AATK: variants seen among roughly 807,000 people sequenced by gnomAD.
AATK encodes serine/threonine-protein kinase LMTK1.
A neutral mutation model predicts 114.3 loss-of-function variants in AATK; 91 were observed. The observed-to-expected ratio is 0.80, with a 90% CI of 0.67 to 0.95. AATK has a LOEUF of 0.95. Ranked by LOEUF, AATK falls within the 40% of genes least tolerant of loss-of-function variation. The probability of loss-of-function intolerance (pLI) is 0.00; values close to 1 mark genes in which losing one functional copy is unlikely to be tolerated. For synonymous variants in AATK, 1,075 were observed against 916.5 expected (o/e 1.17, Z -3.12); for missense variants, 2,176 against 1,965.2 (o/e 1.11, Z -2.03).
At position 81,118,459 on chromosome 17, in the gene AATK, CA is replaced by C; in HGVS notation, c.4085-18del. On this transcript the variant is annotated intron_variant, in intron 13 of 13. Coordinates refer to ENST00000326724, the MANE Select transcript of AATK (RefSeq NM_001080395.3). Reference sequence around the variant, plus strand: ...CTTCAGGTCCTGGCAAGCAGGACAACAAAGTGAACACAGGGTTCTGAGACAC... The same window carrying C: ...CTTCAGGTCCTGGCAAGCAGGACAACAAGTGAACACAGGGTTCTGAGACAC... The C allele has an allele frequency of 6.2e-7, 1 of 1,604,338 alleles. No homozygotes were observed. The highest frequency in any genetic ancestry group is 1.1e-5 in the South Asian group (1 of 89,130).
chr17:81,139,114 CCCA>C (rs1318905553), intron 1 of AATK, among the ~76,000 whole-genome samples: 2 of 152,222 alleles, frequency 1.3e-5, no homozygotes, highest in Non-Finnish European at 2.9e-5. Flanking sequence ...TGGCTCAGTC[CCCA>C]CTACTGGCCT....
chr17:81,162,337 G>A (rs1434737010), intron 1 of AATK, among the ~76,000 whole-genome samples: 1 of 152,090 alleles, frequency 6.6e-6, no homozygotes, highest in Non-Finnish European at 1.5e-5. Flanking sequence ...GCTTCCTCTG[G>A]GGCATCCTCT....
At chr17:81,137,549 C>G (rs1408800506) in intron 1 of AATK, among the ~76,000 whole-genome samples, 1 of 152,172 alleles carries the variant, frequency 6.6e-6, no homozygotes, top group Non-Finnish European at 1.5e-5. Flanking sequence ...CACCTGCTAC[C>G]TGGGCCCCGC....
At chr17:81,157,311 G>C (rs1025397326) in intron 1 of AATK, among the ~76,000 whole-genome samples, 1 of 152,222 alleles carries the variant, frequency 6.6e-6, no homozygotes, top group African/African-American at 2.4e-5. Context: ...ATCCGACACC[G>C]CGGGCACCGC....
intron 1 of AATK, among the ~76,000 whole-genome samples, chr17:81,143,709 G>A (rs1349376880): frequency 1.3e-5 from 2 of 152,194 alleles, no homozygotes; most frequent in African/African-American, 4.8e-5. Context: ...GTGGAGTCCA[G>A]GGGCCCCACG....
intron 7 of AATK, chr17:81,125,962 G>A (rs755905807): frequency 2.5e-5 from 12 of 479,796 alleles, no homozygotes; most frequent in Admixed American, 4.5e-5. Flanking sequence ...ACAGCCGTGC[G>A]GCGTCTGGGG....
intron 1 of AATK, among the ~76,000 whole-genome samples, chr17:81,159,087 G>A (rs527979263): frequency 4.6e-5 from 7 of 152,300 alleles, no homozygotes; most frequent in South Asian, 2.1e-4. Context: ...TGATGCCCTC[G>A]GGCATGGGGC....
chr17:81,149,591 C>T (rs1293233713), intron 1 of AATK, among the ~76,000 whole-genome samples: 1 of 152,084 alleles, frequency 6.6e-6, no homozygotes, highest in Admixed American at 6.6e-5. Context: ...CCATTCCTGA[C>T]CTAGATCACA....
rs368202507 is a variant in AATK, at chr17:81,134,492, G to A, written c.65C>T (p.Pro22Leu). 42 of 1,612,076 alleles carry A rather than the reference G, an allele frequency of 2.6e-5. No homozygotes were observed. The highest frequency in any genetic ancestry group is 1.6e-4 in the Middle Eastern group (1 of 6,076). Residue 22 changes from proline (P) to leucine (L), a missense_variant, in exon 2 of 14, where the codon CCG (proline) becomes CTG (leucine). Transcript: ENST00000326724. ...FSSHFDPDGAPLSELSWPSSL... is the reference protein window; with the variant it reads ...FSSHFDPDGALLSELSWPSSL... ...GGATGGCCAGGACAGCTCGCTGAGCGGGGCGCCGTCTGCGGGAGAGCAGTG... is the reference window on the plus strand; with the variant it reads ...GGATGGCCAGGACAGCTCGCTGAGCAGGGCGCCGTCTGCGGGAGAGCAGTG...
intron 1 of AATK, among the ~76,000 whole-genome samples, chr17:81,157,071 C>T (rs1281681644): frequency 6.6e-6 from 1 of 152,174 alleles, no homozygotes; most frequent in African/African-American, 2.4e-5. Flanking sequence ...ACTCCCGAGA[C>T]CAGACAGATG....
At chr17:81,155,372 A>C (rs1277101845) in intron 1 of AATK, among the ~76,000 whole-genome samples, 1 of 145,426 alleles carries the variant, frequency 6.9e-6, no homozygotes, top group Non-Finnish European at 1.5e-5. Flanking sequence ...TTTTTAATAC[A>C]TTTTACCTAT....
intron 13 of AATK, 41 bp downstream of exon 13, chr17:81,119,339 C>CT: frequency 1.3e-6 from 2 of 1,522,026 alleles, no homozygotes; most frequent in East Asian, 2.7e-5. Flanking sequence ...CGTGCCCTGC[C>CT]TCCCGCGTGC....
chr17:81,133,133 G>A lies in AATK; in HGVS notation c.189+1235C>T, dbSNP rs536791397. ...GGTGGGGGCTCTGGGCAGGAGTGCAGACCCCACAGCCTGGGGCCACAGCTT... is the reference window on the plus strand; with the variant it reads ...GGTGGGGGCTCTGGGCAGGAGTGCAAACCCCACAGCCTGGGGCCACAGCTT... On this transcript the variant is annotated intron_variant, in intron 2 of 13. Transcript: ENST00000326724. 5.6e-5 allele frequency: 25 copies of A among 443,178 alleles called. No homozygotes were observed. The East Asian group carries it at 1.7e-3, about 30-fold the overall frequency. 27.5% of individuals were successfully genotyped at this position (443,178 alleles called of 1,614,324 possible).
At chr17:81,135,920 G>A (rs1249555377) in intron 1 of AATK, 3 of 152,310 alleles carry the variant, frequency 2.0e-5, no homozygotes, top group East Asian at 1.9e-4. Flanking sequence ...ACGAGCCAAC[G>A]GGTAGGGCCG....
Position 81,122,547 on chromosome 17 carries a change from G to A in AATK, c.1389C>T (p.Asp463=), listed in dbSNP as rs1193824461. 1.5e-5 allele frequency: 22 copies of A among 1,476,610 alleles called. No homozygotes were observed. Among genetic ancestry groups the A allele is most frequent in the Non-Finnish European group, 2.0e-5 (22 of 1,109,416 alleles). 91.5% of individuals were successfully genotyped at this position (1,476,610 alleles called of 1,614,324 possible). Residue 463 remains aspartate (D), a synonymous_variant, in exon 11 of 14, where the codon GAC becomes GAT. Coordinates refer to ENST00000326724, the MANE Select transcript of AATK (RefSeq NM_001080395.3). The part of the protein sequence containing the change: ...FAGDGFHADG[D]DVLTVTETSR... ...TGGTCTCGGTCACCGTCAGCACGTC[G>A]TCGCCGTCCGCGTGGAAGCCGTCGC...
chr17:81,138,453 G>A (rs1402427831), intron 1 of AATK, among the ~76,000 whole-genome samples: 3 of 24,428 alleles, frequency 1.2e-4, no homozygotes, highest in African/African-American at 2.8e-4. Context: ...ACAGATGCAT[G>A]TGCACACACA....
intron 13 of AATK, among the ~76,000 whole-genome samples, 152 bp from the exon 14 acceptor site, chr17:81,118,594 C>T (rs1157949720): frequency 1.3e-5 from 2 of 152,250 alleles, no homozygotes; most frequent in Admixed American, 1.3e-4. Context: ...GAGATGGACC[C>T]ATTTCCCCCA....
chr17:81,119,666 G>A (rs1322880102), intron 12 of AATK, 86 bp from the exon 13 acceptor site: 4 of 610,328 alleles, frequency 6.6e-6, no homozygotes, highest in Middle Eastern at 5.2e-4. Flanking sequence ...CCCAGGCCCC[G>A]CCTCCCATCA....
intron 9 of AATK, 97 bp downstream of exon 9, chr17:81,124,630 A>C: frequency 6.5e-7 from 1 of 1,543,734 alleles, no homozygotes; most frequent in Non-Finnish European, 8.8e-7. Context: ...TGGCTCCGGC[A>C]GCCCCCTGAC....
Sources: allele counts gnomAD v4.1 joint callset (sites outside exome capture counted in the v4.1 genomes callset), GRCh38; gene constraint gnomAD v4.1.1; transcripts MANE v1.5; gene names NCBI Gene and HGNC (gene_info 2026-07-23, HGNC 2026-07-21).